Variants in SI observed in about 807,000 individuals in gnomAD.
SI encodes sucrase-isomaltase, intestinal.
In SI, 235 loss-of-function variants were observed where a neutral mutation model predicts 253.3. That is an observed-to-expected ratio of 0.93 (90% CI 0.83 to 1.03). The LOEUF (loss-of-function observed/expected upper bound fraction) is 1.03, where lower values mean the gene tolerates loss of function less well. Among genes scored for constraint, SI ranks in the 50% least tolerant of loss-of-function variants. The probability of loss-of-function intolerance (pLI) is 0.00; values close to 1 mark genes in which losing one functional copy is unlikely to be tolerated. For missense variants in SI, 2,442 were observed against 2,211.1 expected (o/e 1.10, Z -2.09); for synonymous variants, 819 against 712.0 (o/e 1.15, Z -2.39).
upstream of SI, among the ~76,000 whole-genome samples, chr3:165,081,686 A>G (rs1294157046): frequency 6.6e-6 from 1 of 152,036 alleles, no homozygotes; most frequent in African/African-American, 2.4e-5. Context: ...CTGTGAAAAA[A>G]CTAGAAAGAA....
At chr3:165,049,975 C>A in intron 13 of SI, 100 bp from the exon 14 acceptor site, 1 of 762,116 alleles carries the variant, frequency 1.3e-6, no homozygotes, top group South Asian at 1.5e-5. Context: ...ATAAGATAAC[C>A]ATAATGCTCG....
intron 1 of SI, among the ~76,000 whole-genome samples, chr3:165,077,554 G>T (rs1354878348): frequency 6.6e-6 from 1 of 151,506 alleles, no homozygotes; most frequent in Non-Finnish European, 1.5e-5. Flanking sequence ...GCTGTTTATT[G>T]CATCAGTAAT....
At chr3:164,999,531 T>G (rs1167359032) in intron 37 of SI, among the ~76,000 whole-genome samples, 1 of 151,632 alleles carries the variant, frequency 6.6e-6, no homozygotes, top group African/African-American at 2.4e-5. Flanking sequence ...AGAACTATCT[T>G]AGAAGAAGAT....
chr3:164,979,437 A>T lies in SI; in HGVS notation c.5416-7T>A, dbSNP rs1475799602. The T allele has an allele frequency of 7.0e-7, 1 of 1,422,406 alleles. No homozygotes were observed. 88.1% of individuals were successfully genotyped at this position (1,422,406 alleles called of 1,614,324 possible). On this transcript the variant is annotated splice_polypyrimidine_tract_variant and splice_region_variant and intron_variant, in intron 47 of 47. Transcript: ENST00000264382. ...TCAGATCAATACGTAATATCTAAAA[A>T]AGTAAAATAATAATTAGTTGTTTAA...
intron 3 of SI, among the ~76,000 whole-genome samples, chr3:165,070,174 ATATAT>A (rs1411670946): frequency 9.6e-5 from 9 of 93,434 alleles, no homozygotes; most frequent in Non-Finnish European, 1.8e-4. Context: ...ATATATTTTG[ATATAT>A]TTATTTATAT....
chr3:165,001,104 G>T (rs181584835), intron 37 of SI, among the ~76,000 whole-genome samples: 1 of 151,116 alleles, frequency 6.6e-6, no homozygotes, highest in Admixed American at 6.6e-5. Flanking sequence ...TTTAGTCATA[G>T]TTTCTAAAAG....
chr3:164,987,291 G>T, intron 44 of SI, 65 bp from the exon 45 acceptor site: 1 of 1,304,400 alleles, frequency 7.7e-7, no homozygotes, highest in Non-Finnish European at 1.1e-6. Context: ...GTTATGATAT[G>T]ACATCCACAT....
chr3:164,984,875 T>G (rs1717362510), intron 45 of SI, among the ~76,000 whole-genome samples: 1 of 152,152 alleles, frequency 6.6e-6, no homozygotes, highest in South Asian at 2.1e-4. Flanking sequence ...AAAACCTCTT[T>G]GGAGATTCTG....
chr3:165,021,138 T>C, intron 27 of SI, 91 bp downstream of exon 27: 1 of 1,149,208 alleles, frequency 8.7e-7, no homozygotes, highest in Non-Finnish European at 1.3e-6. Flanking sequence ...GTGATGCTAC[T>C]CTAGGACAGT....
At chr3:165,051,047 C>T (rs1328745304) in intron 13 of SI, among the ~76,000 whole-genome samples, 1 of 151,952 alleles carries the variant, frequency 6.6e-6, no homozygotes, top group Non-Finnish European at 1.5e-5. Flanking sequence ...TTTTTAAACA[C>T]ATGTAATGGT....
chr3:165,015,262 T>G, intron 32 of SI, 29 bp from the exon 33 acceptor site: 1 of 1,521,952 alleles, frequency 6.6e-7, no homozygotes, highest in African/African-American at 1.4e-5. Flanking sequence ...ATAAACAAGG[T>G]ACACATGAAA....
chr3:165,003,661 A>G (rs1439203500), intron 37 of SI, among the ~76,000 whole-genome samples: 2 of 152,060 alleles, frequency 1.3e-5, no homozygotes, highest in Admixed American at 6.6e-5. Flanking sequence ...GCTATTTGTT[A>G]GAACAGAAGT....
intron 13 of SI, among the ~76,000 whole-genome samples, chr3:165,050,910 A>T (rs1713391785): frequency 6.6e-6 from 1 of 151,978 alleles, no homozygotes; most frequent in African/African-American, 2.4e-5. Flanking sequence ...TAACACTCCT[A>T]TATTAACTTT....
chr3:164,983,444 A>C (rs896037123), intron 45 of SI, among the ~76,000 whole-genome samples: 1 of 152,206 alleles, frequency 6.6e-6, no homozygotes, highest in Non-Finnish European at 1.5e-5. Flanking sequence ...ACAAAATAAT[A>C]TAAAGGAAAA....
At chr3:164,988,777 T>A (rs1717561272) in intron 44 of SI, among the ~76,000 whole-genome samples, 1 of 152,110 alleles carries the variant, frequency 6.6e-6, no homozygotes, top group Middle Eastern at 3.2e-3. Context: ...GTGACAGGAA[T>A]AAGAGATTTA....
chr3:165,030,945 T>C, intron 24 of SI, 78 bp from the exon 25 acceptor site: 1 of 1,462,056 alleles, frequency 6.8e-7, no homozygotes, highest in Non-Finnish European at 9.0e-7. Context: ...CTGTATCTGA[T>C]CATTGGATGA....
rs1229511458 is a variant in SI, at chr3:164,982,813, A to G, written c.5247+189T>C. 2.0e-5 allele frequency among the ~76,000 whole-genome samples: 3 copies of G among 151,944 alleles called. No individual in the cohort carries two copies. In the East Asian group the frequency reaches 5.8e-4, roughly 30 times the overall value. ...GCTGGGACTACAGTTGCATGCCACC[A>G]TAACTGGCTAATGTTTTTATAGAGA... On this transcript the variant is annotated intron_variant, in intron 46 of 47. Coordinates refer to ENST00000264382, the MANE Select transcript of SI (RefSeq NM_001041.4).
At chr3:165,031,353 A>T (rs1216202280) in intron 24 of SI, among the ~76,000 whole-genome samples, 1 of 147,548 alleles carries the variant, frequency 6.8e-6, no homozygotes, top group Non-Finnish European at 1.5e-5. Flanking sequence ...AAGATTATAT[A>T]TATATAATAT....
chr3:164,987,641 G>A (rs932795501), intron 44 of SI, among the ~76,000 whole-genome samples: 6 of 151,988 alleles, frequency 3.9e-5, no homozygotes, highest in Non-Finnish European at 8.8e-5. Flanking sequence ...CCCGGGAGGT[G>A]GAGGTTCCAG....
Sources: allele counts gnomAD v4.1 joint callset (sites outside exome capture counted in the v4.1 genomes callset), GRCh38; gene constraint gnomAD v4.1.1; transcripts MANE v1.5; gene names NCBI Gene and HGNC (gene_info 2026-07-23, HGNC 2026-07-21).